Variants in FAIM2 observed in about 807,000 individuals in gnomAD.
FAIM2 encodes the protein Fas apoptotic inhibitory molecule 2.
A neutral mutation model predicts 47.4 loss-of-function variants in FAIM2; 27 were observed. The observed-to-expected ratio is 0.57, with a 90% CI of 0.42 to 0.78. FAIM2 has a LOEUF of 0.78. FAIM2 is among the 30% of genes least tolerant of loss of function. The pLI is 0.00. For missense variants in FAIM2, 311 were observed against 389.4 expected (o/e 0.80, Z 1.69); for synonymous variants, 156 against 159.3 (o/e 0.98, Z 0.16).
intron 11 of FAIM2, among the ~76,000 whole-genome samples, chr12:49,876,378 A>G (rs1004468968): frequency 6.6e-6 from 1 of 152,244 alleles, no homozygotes; most frequent in African/African-American, 2.4e-5. Flanking sequence ...TTTGATACTT[A>G]TAGTGAATGA....
At chr12:49,885,448 T>C (rs1387745210) in intron 11 of FAIM2, among the ~76,000 whole-genome samples, 1 of 152,150 alleles carries the variant, frequency 6.6e-6, no homozygotes, top group Non-Finnish European at 1.5e-5. Context: ...CTCCTCTTTC[T>C]CTCCTAGTCC....
At position 49,894,855 on chromosome 12, in the gene FAIM2, AAC is replaced by A. The variant is rs141177717; in HGVS notation, c.434+2174_434+2175del. Among the ~76,000 whole-genome samples the A allele has an allele frequency of 4.0e-3, 602 of 152,304 alleles. 3 individuals carry two copies. Among genetic ancestry groups the A allele is most frequent in the African/African-American group, 0.014 (566 of 41,550 alleles). On this transcript the variant is annotated intron_variant, in intron 5 of 11. Coordinates refer to ENST00000320634, the MANE Select transcript of FAIM2 (RefSeq NM_012306.4). ...AGGGCTATTGAAAGATCAAGTGAAA[AAC>A]ACATGTGAAGTGCTTAGCACGGTGC...
In FAIM2 at chr12:49,901,000, C is replaced by T; in HGVS notation, c.211+130G>A. 6.1e-6 allele frequency: 4 copies of T among 652,458 alleles called. No individual in the cohort carries two copies. In the South Asian group the frequency reaches 1.0e-4, roughly 17 times the overall value. 40.4% of individuals were successfully genotyped at this position (652,458 alleles called of 1,614,324 possible). A position where few individuals can be genotyped will look rare whatever the true frequency, so the allele number is the denominator to read the frequency against. ...TCAGACTAGTTCTCCAAATCCTAAGCATCTAACAACACAGCTTCATACAAC... is the reference window on the plus strand; with the variant it reads ...TCAGACTAGTTCTCCAAATCCTAAGTATCTAACAACACAGCTTCATACAAC... On this transcript the variant is annotated intron_variant, in intron 2 of 11. Coordinates refer to ENST00000320634, the MANE Select transcript of FAIM2 (RefSeq NM_012306.4).
At chr12:49,897,617 G>A (rs1946947364) in intron 3 of FAIM2, 34 bp from the exon 4 acceptor site, 6 of 1,546,614 alleles carry the variant, frequency 3.9e-6, no homozygotes, top group Non-Finnish European at 5.3e-6. Context: ...CAGCTTGGGG[G>A]GCCCTGTTAG....
rs2137105999 is a variant in FAIM2 at position 49,897,673 on chromosome 12, A to ACCC, written c.316-91_316-90insGGG. On this transcript the variant is annotated intron_variant, in intron 3 of 11. Transcript: ENST00000320634. ...GACTCAGTCACCTCTCCAGGTCCCC[A>ACCC]TCCTGTGCACTCCACCCTCCTTTTT... 39 of 934,842 alleles carry ACCC rather than the reference A, an allele frequency of 4.2e-5. No individual in the cohort carries two copies. The South Asian group carries it at 5.4e-4, about 13-fold the overall frequency. 57.9% of individuals were successfully genotyped at this position (934,842 alleles called of 1,614,324 possible).
chr12:49,886,196 A>G (rs937547689), intron 11 of FAIM2, among the ~76,000 whole-genome samples: 18 of 152,158 alleles, frequency 1.2e-4, no homozygotes, highest in Non-Finnish European at 2.1e-4. Flanking sequence ...AGCTTGCCCA[A>G]CTGGGTGGGT....
intron 11 of FAIM2, among the ~76,000 whole-genome samples, chr12:49,877,373 G>A (rs1946743545): frequency 6.6e-6 from 1 of 152,234 alleles, no homozygotes; most frequent in Non-Finnish European, 1.5e-5. Context: ...GGGCGTCGGG[G>A]AGGCCTCAGG....
At chr12:49,888,680 G>C (rs565906831) in intron 10 of FAIM2, among the ~76,000 whole-genome samples, 1 of 152,278 alleles carries the variant, frequency 6.6e-6, no homozygotes, top group East Asian at 1.9e-4. Flanking sequence ...CGTCCCGCCT[G>C]CCTGGCCAGC....
intron 5 of FAIM2, 152 bp from the exon 6 acceptor site, chr12:49,891,266 T>A: frequency 1.5e-6 from 1 of 668,346 alleles, no homozygotes. Flanking sequence ...AACCTGGCAG[T>A]GGGCAGGGTG....
At chr12:49,899,461 G>GC (rs1345482201) in intron 2 of FAIM2, among the ~76,000 whole-genome samples, 1 of 152,270 alleles carries the variant, frequency 6.6e-6, no homozygotes, top group East Asian at 1.9e-4. Context: ...CGGCCTCCCT[G>GC]CGCAGCACCC....
At position 49,889,537 on chromosome 12, in the gene FAIM2, G is replaced by A; in HGVS notation, c.595C>T (p.Leu199=). Reference sequence around the variant, plus strand: ...AGGCAGACAAGGGCCGTGATGCCCAGGCACAGCAGCACGGAGGTGGTGTTG... The same window carrying A: ...AGGCAGACAAGGGCCGTGATGCCCAAGCACAGCAGCACGGAGGTGGTGTTG... ...YYNTTSVLLC[L]GITALVCLSV... Residue 199 remains leucine, a synonymous_variant, in exon 9 of 12, where the codon CTG becomes TTG. Transcript: ENST00000320634. 1.2e-6 allele frequency: 2 copies of A among 1,614,140 alleles called. No individual in the cohort carries two copies. The highest frequency in any genetic ancestry group is 1.7e-6 in the Non-Finnish European group (2 of 1,180,012).
chr12:49,901,223 C>T lies in FAIM2; in HGVS notation c.118G>A (p.Glu40Lys), dbSNP rs267603498. 1.2e-6 allele frequency: 2 copies of T among 1,611,920 alleles called. No homozygotes were observed. The highest frequency in any genetic ancestry group is 1.7e-6 in the Non-Finnish European group (2 of 1,179,154). Residue 40 changes from glutamate (E) to lysine (K), a missense_variant, in exon 2 of 12, where the codon GAA (glutamate) becomes AAA (lysine). By Grantham distance (56) the Glu-to-Lys change is moderately conservative (BLOSUM62 1). Coordinates refer to ENST00000320634, the MANE Select transcript of FAIM2 (RefSeq NM_012306.4). Reference protein sequence around the residue: ...AVPSAPPSYEEATSGEGMKAG... With the variant: ...AVPSAPPSYEKATSGEGMKAG... ...TTCATCCCCTCCCCAGAGGTGGCTT[C>T]CTCATAGGAGGGTGGGGCTGAGGGC...
intron 11 of FAIM2, 117 bp downstream of exon 11, chr12:49,887,269 G>T: frequency 1.1e-6 from 1 of 911,122 alleles, no homozygotes; most frequent in African/African-American, 1.6e-5. Flanking sequence ...AGCCCTACCC[G>T]CAGGTGCTCC....
chr12:49,880,167 T>TGTATGC (rs146657856), intron 11 of FAIM2, among the ~76,000 whole-genome samples: 1 of 143,416 alleles, frequency 7.0e-6, no homozygotes, highest in Non-Finnish European at 1.5e-5. Context: ...TGCATGTGTG[T>TGTATGC]ATGTGTGTGT....
At chr12:49,894,127 A>G (rs1190610351) in intron 5 of FAIM2, among the ~76,000 whole-genome samples, 2 of 152,210 alleles carry the variant, frequency 1.3e-5, no homozygotes, top group Non-Finnish European at 2.9e-5. Flanking sequence ...AATAGCCAAG[A>G]CCCAGTTTCC....
At chr12:49,873,154 G>A (rs142445310) in intron 11 of FAIM2, among the ~76,000 whole-genome samples, 1 of 152,224 alleles carries the variant, frequency 6.6e-6, no homozygotes, top group Non-Finnish European at 1.5e-5. Flanking sequence ...CAGTGGCACT[G>A]AGGGAAGGGC....
At chr12:49,889,595 G>T (rs1000984461) in intron 8 of FAIM2, 27 bp from the exon 9 acceptor site, 12 of 1,600,154 alleles carry the variant, frequency 7.5e-6, no homozygotes, top group Non-Finnish European at 1.0e-5. Flanking sequence ...CGAGGGGTCA[G>T]CTCTCAGGCA....
chr12:49,894,969 C>CACAT (rs1187330242), intron 5 of FAIM2, among the ~76,000 whole-genome samples: 2 of 152,128 alleles, frequency 1.3e-5, no homozygotes, highest in African/African-American at 4.8e-5. Flanking sequence ...CCTCAGGGAG[C>CACAT]ACATGATGTG....
intron 8 of FAIM2, among the ~76,000 whole-genome samples, 183 bp from the exon 9 acceptor site, chr12:49,889,751 A>G (rs1946886263): frequency 1.3e-5 from 2 of 151,970 alleles, no homozygotes; most frequent in South Asian, 4.1e-4. Context: ...GCCCCTCCCA[A>G]CAGGCTTAGA....
Sources: gnomAD v4.1 joint callset for allele counts (sites outside exome capture counted in the v4.1 genomes callset) on GRCh38, gnomAD v4.1.1 for gene constraint, MANE v1.5 for transcripts, NCBI Gene and HGNC (gene_info 2026-07-23, HGNC 2026-07-21) for gene names.